Variants in CA8 observed in about 807,000 individuals in gnomAD.
CA8 encodes carbonic anhydrase 8 (inactive), also known as carbonic anhydrase-related protein.
Under a neutral mutation model 41.4 loss-of-function variants are expected in CA8, and 22 were observed. The observed-to-expected ratio is 0.53, with a 90% confidence interval of 0.38 to 0.76. The LOEUF (loss-of-function observed/expected upper bound fraction) is 0.76. CA8 is among the 30% of genes least tolerant of loss of function. CA8 has a pLI of 0.00. For missense variants in CA8, 270 were observed against 352.8 expected, an observed-to-expected ratio of 0.77 and a Z score of 1.88; for synonymous variants, 121 against 130.6, an observed-to-expected ratio of 0.93 and a Z score of 0.50.
chr8:60,272,307 A>G (rs1157030591), intron 2 of CA8, among the ~76,000 whole-genome samples: 1 of 151,906 alleles, frequency 6.6e-6, no homozygotes, highest in African/African-American at 2.4e-5. Context: ...AAACTGGCTC[A>G]CACTCTCTCC....
chr8:60,249,587 G>A (rs2130546403), intron 3 of CA8, among the ~76,000 whole-genome samples: 1 of 152,202 alleles, frequency 6.6e-6, no homozygotes, highest in South Asian at 2.1e-4. Flanking sequence ...AAATAAAATT[G>A]TGTCTAACGA....
intron 2 of CA8, among the ~76,000 whole-genome samples, chr8:60,276,317 G>A (rs1563387208): frequency 1.3e-5 from 2 of 152,156 alleles, no homozygotes; most frequent in East Asian, 3.8e-4. Context: ...GGAGAGGCCT[G>A]GAGAGCAGAA....
At position 60,251,802 on chromosome 8, in the gene CA8, G is replaced by A. The variant is rs181971886; in HGVS notation, c.417+14123C>T. Among the ~76,000 whole-genome samples the A allele has an allele frequency of 3.5e-3, 533 of 152,266 alleles. 2 individuals are homozygous for A. The highest frequency in any genetic ancestry group is 6.0e-3 in the South Asian group (29 of 4,824). The stretch of plus-strand genomic sequence containing the variant: ...TGCATTCAAAATGCTTCTGAAATTA[G>A]AGTAGGGCAATCAAGTATAATTTTT... On this transcript the variant is annotated intron_variant, in intron 3 of 8. Transcript: ENST00000317995.
At chr8:60,276,133 T>C (rs1330352338) in intron 2 of CA8, among the ~76,000 whole-genome samples, 1 of 152,172 alleles carries the variant, frequency 6.6e-6, no homozygotes, top group Non-Finnish European at 1.5e-5. Context: ...TTCCCTGAGA[T>C]GACGGAGCAA....
At chr8:60,206,395 ATTTAGATAT>A (rs759800013) in intron 8 of CA8, among the ~76,000 whole-genome samples, 11 of 152,088 alleles carry the variant, frequency 7.2e-5, no homozygotes, top group Non-Finnish European at 1.2e-4. Flanking sequence ...AATAATAGTC[ATTTAGATAT>A]TTAGAGAATG....
At chr8:60,217,645 C>A (rs1404155131) in intron 7 of CA8, among the ~76,000 whole-genome samples, 1 of 152,194 alleles carries the variant, frequency 6.6e-6, no homozygotes, top group Non-Finnish European at 1.5e-5. Context: ...CAATATGCAA[C>A]CATAAACTTG....
At chr8:60,273,746 T>C (rs745836062) in intron 2 of CA8, among the ~76,000 whole-genome samples, 25 of 152,216 alleles carry the variant, frequency 1.6e-4, no homozygotes, top group Non-Finnish European at 3.4e-4. Flanking sequence ...AGAGTTAAAG[T>C]CCTGTAAGAA....
chr8:60,254,503 A>C (rs1471168628), intron 3 of CA8, among the ~76,000 whole-genome samples: 1 of 152,240 alleles, frequency 6.6e-6, no homozygotes, highest in Non-Finnish European at 1.5e-5. Context: ...AGCGCTGGTA[A>C]GTTAATTAGG....
intron 8 of CA8, among the ~76,000 whole-genome samples, chr8:60,198,663 C>T (rs1806344583): frequency 6.6e-6 from 1 of 151,934 alleles, no homozygotes; most frequent in South Asian, 2.1e-4. Context: ...TTCACTAGTT[C>T]GAGCTTAATG....
At chr8:60,261,801 T>G (rs931679283) in intron 3 of CA8, among the ~76,000 whole-genome samples, 1 of 152,150 alleles carries the variant, frequency 6.6e-6, no homozygotes, top group Non-Finnish European at 1.5e-5. Flanking sequence ...AAGCTCCGCC[T>G]CCCGGGTTCA....
intron 8 of CA8, among the ~76,000 whole-genome samples, chr8:60,201,610 T>A (rs1449224540): frequency 6.6e-6 from 1 of 152,094 alleles, no homozygotes; most frequent in African/African-American, 2.4e-5. Flanking sequence ...AGGAAAAAAA[T>A]GAACATTCCT....
intron 2 of CA8, among the ~76,000 whole-genome samples, chr8:60,274,945 A>G (rs2130624674): frequency 6.6e-6 from 1 of 152,320 alleles, no homozygotes; most frequent in African/African-American, 2.4e-5. Flanking sequence ...TAAAGTTTTT[A>G]AAAGGAGCAG....
intron 2 of CA8, among the ~76,000 whole-genome samples, chr8:60,267,659 C>G (rs1215742769): frequency 2.0e-5 from 3 of 152,136 alleles, no homozygotes; most frequent in African/African-American, 7.2e-5. Context: ...ATCTGGAACT[C>G]AAATCTTCTG....
chr8:60,250,562 G>A (rs575794223), intron 3 of CA8, among the ~76,000 whole-genome samples: 13 of 152,004 alleles, frequency 8.6e-5, no homozygotes, highest in Non-Finnish European at 1.0e-4. Flanking sequence ...CCCATTTCAC[G>A]TCATCTGAAT....
At chr8:60,191,910 A>T (rs1409944509) in intron 8 of CA8, among the ~76,000 whole-genome samples, 1 of 152,088 alleles carries the variant, frequency 6.6e-6, no homozygotes, top group Non-Finnish European at 1.5e-5. Context: ...TTGGTGTCCT[A>T]TTCATTTTTG....
intron 8 of CA8, among the ~76,000 whole-genome samples, chr8:60,198,756 A>C (rs534969661): frequency 4.6e-5 from 7 of 152,190 alleles, no homozygotes; most frequent in Non-Finnish European, 1.0e-4. Flanking sequence ...GGTTTGTATT[A>C]TATCTAATTA....
intron 4 of CA8, among the ~76,000 whole-genome samples, chr8:60,229,340 C>T (rs557909244): frequency 6.6e-6 from 1 of 152,178 alleles, no homozygotes; most frequent in East Asian, 1.9e-4. Flanking sequence ...GCCATGCAGT[C>T]CCCCAGGGAG....
chr8:60,221,097 T>G (rs1005395462), intron 7 of CA8, among the ~76,000 whole-genome samples: 9 of 152,214 alleles, frequency 5.9e-5, no homozygotes, highest in Non-Finnish European at 2.9e-5. Flanking sequence ...GCAGCCAACA[T>G]CTTCGCTGTT....
In CA8 at chr8:60,268,280, C is replaced by G. The variant is rs76653471; in HGVS notation, c.293-2231G>C. ...GATTCTTAAAACTCCTTCCCCAAAA[C>G]CCCTTTATCACATACACTCAGAACA... On this transcript the variant is annotated intron_variant, in intron 2 of 8. Transcript: ENST00000317995. Among the ~76,000 whole-genome samples, 746 of 152,138 alleles carry G rather than the reference C, an allele frequency of 4.9e-3. 7 individuals carry two copies. The highest frequency in any genetic ancestry group is 0.016 in the African/African-American group (665 of 41,512).
Sources: allele counts gnomAD v4.1 joint callset (sites outside exome capture counted in the v4.1 genomes callset), GRCh38; gene constraint gnomAD v4.1.1; transcripts MANE v1.5; gene names NCBI Gene and HGNC (gene_info 2026-07-23, HGNC 2026-07-21).